Variants in DPP6 observed in about 807,000 individuals in gnomAD.
DPP6 encodes the protein dipeptidyl peptidase like 6.
Under a neutral mutation model 122.6 loss-of-function variants are expected in DPP6, and 69 were observed. The ratio of observed to expected loss-of-function variants is 0.56; its 90% confidence interval spans 0.46 to 0.69. DPP6 has a LOEUF of 0.69. DPP6 is among the 30% of genes least tolerant of loss of function. The probability of loss-of-function intolerance (pLI) is 0.00; values close to 1 mark genes in which losing one functional copy is unlikely to be tolerated. For missense variants in DPP6, 928 were observed against 1,116.9 expected, an observed-to-expected ratio of 0.83 and a Z score of 2.41; for synonymous variants, 418 against 433.1, an observed-to-expected ratio of 0.97 and a Z score of 0.43.
At chr7:154,019,100 T>G (rs924017464) in intron 1 of DPP6, among the ~76,000 whole-genome samples, 14 of 152,326 alleles carry the variant, frequency 9.2e-5, no homozygotes, top group African/African-American at 2.6e-4. Flanking sequence ...TTAATATTAA[T>G]AACTTGTGAA....
chr7:154,140,277 A>G (rs1795780404), intron 1 of DPP6, among the ~76,000 whole-genome samples: 1 of 152,158 alleles, frequency 6.6e-6, no homozygotes, highest in South Asian at 2.1e-4. Flanking sequence ...GCAAACACCA[A>G]TCCACACATT....
At chr7:154,564,900 A>G (rs889989809) in intron 4 of DPP6, among the ~76,000 whole-genome samples, 1 of 152,104 alleles carries the variant, frequency 6.6e-6, no homozygotes, top group Non-Finnish European at 1.5e-5. Context: ...GCTGTGAACA[A>G]CTGTCCTTTT....
At chr7:154,174,347 A>G (rs1797687052) in intron 1 of DPP6, among the ~76,000 whole-genome samples, 1 of 152,280 alleles carries the variant, frequency 6.6e-6, no homozygotes, top group Non-Finnish European at 1.5e-5. Flanking sequence ...TGGTTAAAAA[A>G]TGCATAGCAT....
chr7:154,583,567 C>T, intron 5 of DPP6, among the ~76,000 whole-genome samples: 1 of 152,190 alleles, frequency 6.6e-6, no homozygotes. Flanking sequence ...CGGCTGCTGC[C>T]ACCCAAAACG....
At chr7:154,335,052 G>GC (rs1563499226) in intron 1 of DPP6, among the ~76,000 whole-genome samples, 1 of 139,674 alleles carries the variant, frequency 7.2e-6, no homozygotes, top group East Asian at 1.9e-4. Flanking sequence ...GATGATTTCA[G>GC]TTTTTTCAAT....
chr7:153,848,123 A>G, the DPP6 span, among the ~76,000 whole-genome samples: 2 of 152,184 alleles, frequency 1.3e-5, no homozygotes, highest in East Asian at 3.9e-4. Context: ...CAAGGATGCC[A>G]TAAAGAGTCA....
At chr7:154,359,091 G>T (rs151054775) in intron 1 of DPP6, among the ~76,000 whole-genome samples, 3 of 152,328 alleles carry the variant, frequency 2.0e-5, no homozygotes, top group African/African-American at 4.8e-5. Flanking sequence ...TGCATGTGCT[G>T]GTGCACATAC....
At chr7:153,911,614 A>G (rs561357185) in intron 1 of DPP6, among the ~76,000 whole-genome samples, 23 of 152,342 alleles carry the variant, frequency 1.5e-4, no homozygotes, top group African/African-American at 5.1e-4. Context: ...CAAAGTAAAG[A>G]TAGTACAGAT....
At chr7:154,791,497 G>T (rs1797678684) in intron 10 of DPP6, among the ~76,000 whole-genome samples, 1 of 152,152 alleles carries the variant, frequency 6.6e-6, no homozygotes, top group African/African-American at 2.4e-5. Context: ...CATGGGAACA[G>T]CATGGGGGAA....
chr7:154,554,239 C>A (rs1394838294), intron 4 of DPP6, among the ~76,000 whole-genome samples: 1 of 152,188 alleles, frequency 6.6e-6, no homozygotes, highest in Non-Finnish European at 1.5e-5. Context: ...AGAATACAAT[C>A]ATCTATTTAT....
chr7:154,623,361 G>A (rs1834820949), intron 5 of DPP6, among the ~76,000 whole-genome samples: 1 of 152,188 alleles, frequency 6.6e-6, no homozygotes. Flanking sequence ...GGCAGTCAGT[G>A]GTGCGCTTTT....
chr7:154,195,389 C>A (rs950547686), intron 1 of DPP6, among the ~76,000 whole-genome samples: 1 of 152,084 alleles, frequency 6.6e-6, no homozygotes, highest in African/African-American at 2.4e-5. Context: ...GGCTGGCAGC[C>A]TGTTGGGTAA....
At chr7:154,716,504 T>A (rs1841491652) in intron 7 of DPP6, among the ~76,000 whole-genome samples, 1 of 152,180 alleles carries the variant, frequency 6.6e-6, no homozygotes, top group South Asian at 2.1e-4. Flanking sequence ...TCCAGGCCCC[T>A]CCTCTAAAGC....
intron 7 of DPP6, among the ~76,000 whole-genome samples, chr7:154,715,797 G>C (rs1841452205): frequency 2.0e-5 from 3 of 152,146 alleles, no homozygotes; most frequent in South Asian, 4.1e-4. Context: ...TGCCATCTCT[G>C]TCTCCTGTCT....
intron 1 of DPP6, among the ~76,000 whole-genome samples, chr7:153,971,421 C>T (rs1356568725): frequency 6.7e-6 from 1 of 149,416 alleles, no homozygotes; most frequent in African/African-American, 2.5e-5. Flanking sequence ...CTTTTATTTC[C>T]TTTTCCTACC....
chr7:154,116,036 A>G (rs1806962557), intron 1 of DPP6, among the ~76,000 whole-genome samples: 1 of 151,082 alleles, frequency 6.6e-6, no homozygotes, highest in South Asian at 2.1e-4. Flanking sequence ...TTAAATTCTT[A>G]CCTTTTACAA....
At chr7:154,473,399 C>T (rs1223339810) in intron 2 of DPP6, among the ~76,000 whole-genome samples, 1 of 152,136 alleles carries the variant, frequency 6.6e-6, no homozygotes, top group African/African-American at 2.4e-5. Context: ...TCATGTTTCA[C>T]AATAAGGCCA....
At chr7:154,162,265 T>G (rs1337383648) in intron 1 of DPP6, among the ~76,000 whole-genome samples, 16 of 151,956 alleles carry the variant, frequency 1.1e-4, no homozygotes, top group Admixed American at 2.0e-4. Context: ...GAACTGAGAT[T>G]CACCATACAA....
chr7:154,362,931 C>T (rs2151101403), intron 1 of DPP6, among the ~76,000 whole-genome samples: 1 of 152,336 alleles, frequency 6.6e-6, no homozygotes, highest in South Asian at 2.1e-4. Context: ...CCAACCATCA[C>T]TGCAGTTTTG....
Sources: allele counts gnomAD v4.1 joint callset (sites outside exome capture counted in the v4.1 genomes callset), GRCh38; gene constraint gnomAD v4.1.1; transcripts MANE v1.5; gene names NCBI Gene and HGNC (gene_info 2026-07-23, HGNC 2026-07-21).